The following HNMT variants were observed in gnomAD, a reference collection of about 807,000 sequenced individuals.
HNMT encodes the protein histamine N-methyltransferase.
HNMT carries 30 observed loss-of-function variants against 32.1 expected under a neutral mutation model. The observed-to-expected ratio is 0.93, with a 90% CI of 0.70 to 1.27. The LOEUF is 1.27. Among genes scored for constraint, HNMT ranks in the 50% most tolerant of loss-of-function variants. The pLI, the probability that HNMT is intolerant of heterozygous loss-of-function variation, is 0.00. For synonymous variants in HNMT, 125 were observed against 119.0 expected, an observed-to-expected ratio of 1.05 and a Z score of -0.33; for missense variants, 327 against 346.0, an observed-to-expected ratio of 0.95 and a Z score of 0.43.
intron 2 of HNMT, among the ~76,000 whole-genome samples, chr2:137,973,903 A>C (rs1478545059): frequency 1.3e-5 from 2 of 152,006 alleles, no homozygotes; most frequent in Non-Finnish European, 2.9e-5. Flanking sequence ...TCATAGTTTA[A>C]GAGAGATTGT....
chr2:137,972,532 C>A (rs923586699), intron 2 of HNMT, among the ~76,000 whole-genome samples: 2 of 151,844 alleles, frequency 1.3e-5, no homozygotes, highest in African/African-American at 4.8e-5. Flanking sequence ...AAAATAGAAA[C>A]CAACAAAGAC....
In HNMT at chr2:137,982,932, T is replaced by C. The variant is rs76178543; in HGVS notation, c.190+12715T>C. Among the ~76,000 whole-genome samples the C allele has an allele frequency of 2.6e-5, 4 of 152,310 alleles. No individual in the cohort carries two copies. In the East Asian group the frequency reaches 7.7e-4, roughly 29 times the overall value. ...AATGGAAACTCTGTGGGGACTTCCT[T>C]TAAAAATGAAAGAGCTGAGGTTCAG... On this transcript the variant is annotated intron_variant, in intron 2 of 5. Coordinates refer to ENST00000280097, the MANE Select transcript of HNMT (RefSeq NM_006895.3).
intron 5 of HNMT, among the ~76,000 whole-genome samples, chr2:138,008,240 A>G (rs1393278750): frequency 6.6e-6 from 1 of 151,806 alleles, no homozygotes; most frequent in Non-Finnish European, 1.5e-5. Flanking sequence ...AACATGCGGT[A>G]TTTGGTTTTC....
At chr2:137,995,661 T>C (rs1216776206) in intron 2 of HNMT, among the ~76,000 whole-genome samples, 1 of 152,200 alleles carries the variant, frequency 6.6e-6, no homozygotes, top group Non-Finnish European at 1.5e-5. Context: ...CCCTAACTCA[T>C]TTTATGAAGC....
rs1005102103 is a variant in HNMT, at chr2:138,015,097, A to G, written c.*967A>G. On this transcript the variant is annotated 3_prime_UTR_variant, in exon 6 of 6. Transcript: ENST00000280097. ...CCTTCAATGCATTTTGATACTTTATAGTTTCTTATGTCACTCTCAAGAACT... is the reference window on the plus strand; with the variant it reads ...CCTTCAATGCATTTTGATACTTTATGGTTTCTTATGTCACTCTCAAGAACT... 1.3e-5 allele frequency: 2 copies of G among 152,052 alleles called. No homozygotes were observed. Among genetic ancestry groups the G allele is most frequent in the Non-Finnish European group, 2.9e-5 (2 of 67,968 alleles). 9.4% of individuals were successfully genotyped at this position (152,052 alleles called of 1,614,324 possible).
chr2:137,973,756 C>T (rs1005860793), intron 2 of HNMT, among the ~76,000 whole-genome samples: 1 of 145,914 alleles, frequency 6.9e-6, no homozygotes, highest in African/African-American at 2.5e-5. Flanking sequence ...ACTTTTATAC[C>T]ACTTAATTCT....
At chr2:137,994,968 C>A (rs775564978) in intron 2 of HNMT, among the ~76,000 whole-genome samples, 1 of 152,060 alleles carries the variant, frequency 6.6e-6, no homozygotes, top group Non-Finnish European at 1.5e-5. Context: ...TTGAAACCAA[C>A]AAGAACAAAG....
intron 2 of HNMT, among the ~76,000 whole-genome samples, chr2:137,980,595 C>G (rs891841858): frequency 5.9e-5 from 9 of 152,090 alleles, no homozygotes; most frequent in Middle Eastern, 3.2e-3. Flanking sequence ...AGCATTTTCT[C>G]TAAGTTTGTG....
chr2:137,967,203 G>T, intron 1 of HNMT: 1 of 731,396 alleles, frequency 1.4e-6, no homozygotes, highest in Non-Finnish European at 2.5e-6. Flanking sequence ...TTGAGCCTAG[G>T]AGTTTGAGAC....
intron 5 of HNMT, among the ~76,000 whole-genome samples, chr2:138,007,243 C>T (rs1454183208): frequency 2.0e-5 from 3 of 151,988 alleles, no homozygotes; most frequent in African/African-American, 7.2e-5. Context: ...TTATTTGGGG[C>T]TTTCTACGTC....
At position 138,002,695 on chromosome 2, in the gene HNMT, C is replaced by T. The variant is rs149374885; in HGVS notation, c.429+501C>T. Reference sequence around the variant, plus strand: ...ATCCTGGGCTCAAGTGATCTTCCCTCTTCAACCTCCAAAAGTGTTGGAATT... The same window carrying T: ...ATCCTGGGCTCAAGTGATCTTCCCTTTTCAACCTCCAAAAGTGTTGGAATT... On this transcript the variant is annotated intron_variant, in intron 4 of 5. Coordinates refer to ENST00000280097, the MANE Select transcript of HNMT (RefSeq NM_006895.3). The T allele has an allele frequency of 9.6e-5, 53 of 554,430 alleles. 2 individuals carry two copies. The African/African-American group carries it at 1.1e-3, about 11-fold the overall frequency. 34.3% of individuals were successfully genotyped at this position (554,430 alleles called of 1,614,324 possible). A position where few individuals can be genotyped will look rare whatever the true frequency, so the allele number is the denominator to read the frequency against.
At chr2:137,988,878 A>C (rs894596061) in intron 2 of HNMT, 4 of 152,192 alleles carry the variant, frequency 2.6e-5, no homozygotes, top group African/African-American at 9.7e-5. Context: ...GTTTCAAAAA[A>C]ATAAAAATAA....
At chr2:138,007,013 C>A (rs971300679) in intron 5 of HNMT, among the ~76,000 whole-genome samples, 1 of 152,016 alleles carries the variant, frequency 6.6e-6, no homozygotes, top group Non-Finnish European at 1.5e-5. Context: ...GTTAACAATT[C>A]TTCATTACTG....
rs773251125 is a variant in HNMT, at chr2:138,005,149, A to G, written c.447A>G (p.Lys149=). The G allele has an allele frequency of 6.3e-7, 1 of 1,586,744 alleles. No homozygotes were observed. Among genetic ancestry groups the G allele is most frequent in the Non-Finnish European group, 8.7e-7 (1 of 1,155,624 alleles). Residue 149 remains lysine (K), a synonymous_variant, in exon 5 of 6, where the codon AAA becomes AAG. Coordinates refer to ENST00000280097, the MANE Select transcript of HNMT (RefSeq NM_006895.3). Reference sequence around the variant, plus strand: ...CTTTCTAGATGCTGTATTATGTAAAAGACATCCCAGCTACCCTGAAATTCT... The same window carrying G: ...CTTTCTAGATGCTGTATTATGTAAAGGACATCCCAGCTACCCTGAAATTCT... ...IHMIQMLYYV[K]DIPATLKFFH... is the part of the protein sequence containing the mutation.
chr2:138,010,293 C>T (rs904867584), intron 5 of HNMT, among the ~76,000 whole-genome samples: 3 of 150,644 alleles, frequency 2.0e-5, no homozygotes, highest in Non-Finnish European at 4.4e-5. Context: ...GATATCAGAA[C>T]TACAATAAGC....
chr2:137,987,612 T>G (rs1341773863), intron 2 of HNMT, among the ~76,000 whole-genome samples: 1 of 147,148 alleles, frequency 6.8e-6, no homozygotes, highest in Non-Finnish European at 1.5e-5. Flanking sequence ...TTTTTTTTTT[T>G]TTTTTTTTTT....
At chr2:137,985,150 G>A (rs953385301) in intron 2 of HNMT, among the ~76,000 whole-genome samples, 7 of 151,602 alleles carry the variant, frequency 4.6e-5, no homozygotes, top group East Asian at 1.9e-4. Flanking sequence ...TGCCTAAAAC[G>A]TGCATGGACA....
At chr2:137,988,855 A>G (rs1249885485) in intron 2 of HNMT, 1 of 152,222 alleles carries the variant, frequency 6.6e-6, no homozygotes. Context: ...AGCCTGGGCA[A>G]CAGAGCAAGA....
chr2:137,995,378 C>T (rs552724979), intron 2 of HNMT, among the ~76,000 whole-genome samples: 1 of 152,254 alleles, frequency 6.6e-6, no homozygotes, highest in African/African-American at 2.4e-5. Flanking sequence ...TCAGAGAATA[C>T]TATAAACACC....
Sources: gnomAD v4.1 joint callset for allele counts (sites outside exome capture counted in the v4.1 genomes callset) on GRCh38, gnomAD v4.1.1 for gene constraint, MANE v1.5 for transcripts, NCBI Gene and HGNC (gene_info 2026-07-23, HGNC 2026-07-21) for gene names.